Variants in IRAK4 observed in about 807,000 individuals in gnomAD.
IRAK4 encodes the protein interleukin 1 receptor associated kinase 4.
IRAK4 carries 44 observed loss-of-function variants against 51.8 expected under a neutral mutation model. That is an observed-to-expected ratio of 0.85 (90% confidence interval 0.67 to 1.09). The LOEUF (loss-of-function observed/expected upper bound fraction) is 1.09, where lower values mean the gene tolerates loss of function less well. IRAK4 is among the 50% of genes least tolerant of loss of function. IRAK4 has a pLI of 0.00. For missense variants in IRAK4, 487 were observed against 538.0 expected (o/e 0.91, Z 0.94); for synonymous variants, 149 against 174.1 (o/e 0.86, Z 1.13).
At position 43,787,743 on chromosome 12, in the gene IRAK4, T is replaced by C. The variant is rs886049390; in HGVS notation, c.*1028T>C. 2 of 152,172 alleles carry C rather than the reference T, an allele frequency of 1.3e-5. No homozygotes were observed. The highest frequency in any genetic ancestry group is 2.9e-5 in the Non-Finnish European group (2 of 68,050). The allele number at this position is 152,172 out of a possible 1,614,324, so 9.4% of individuals were successfully genotyped here. The stretch of plus-strand genomic sequence containing the variant: ...TATCTGTTCTGTGCTGGACTTCTAA[T>C]ATATAGAACTGTGAGATAATGGGTC... On this transcript the variant is annotated 3_prime_UTR_variant, in exon 12 of 12. Coordinates refer to ENST00000613694, the MANE Select transcript of IRAK4 (RefSeq NM_016123.4).
At chr12:43,784,990 C>T (rs1942085212) in intron 10 of IRAK4, among the ~76,000 whole-genome samples, 1 of 151,916 alleles carries the variant, frequency 6.6e-6, no homozygotes. Context: ...AAAAATATAC[C>T]AAAAACTGTG....
intron 9 of IRAK4, 151 bp from the exon 10 acceptor site, chr12:43,783,511 C>T: frequency 1.7e-6 from 1 of 587,660 alleles, no homozygotes; most frequent in Non-Finnish European, 3.0e-6. Context: ...TTTGTAGAGA[C>T]AGGGTCTCAC....
At chr12:43,784,844 A>T (rs1942073158) in intron 10 of IRAK4, among the ~76,000 whole-genome samples, 1 of 152,214 alleles carries the variant, frequency 6.6e-6, no homozygotes, top group Admixed American at 6.5e-5. Flanking sequence ...TGATCATCTG[A>T]AGAACCGTTA....
intron 10 of IRAK4, among the ~76,000 whole-genome samples, chr12:43,785,638 T>TTTATATATATATATATATATATATATTTA (rs1565687897): frequency 1.4e-5 from 2 of 145,446 alleles, no homozygotes; most frequent in African/African-American, 5.1e-5. Flanking sequence ...ATATATATAT[T>TTTATATATATATATATATATATATATTTA]TATATATATA....
At chr12:43,762,695 G>T (rs903827791) in intron 1 of IRAK4, among the ~76,000 whole-genome samples, 1 of 152,156 alleles carries the variant, frequency 6.6e-6, no homozygotes, top group Non-Finnish European at 1.5e-5. Context: ...AGAATGACTA[G>T]GTGACATTTT....
chr12:43,783,662 G>A lies in IRAK4; in HGVS notation c.1126G>A (p.Val376Ile). Residue 376 changes from valine (V) to isoleucine (I), a missense_variant and splice_region_variant, in exon 10 of 12, where the codon GTT (valine) becomes ATT (isoleucine). Physicochemically the swap from Val to Ile is conservative, Grantham distance 29 (BLOSUM62 3). Coordinates refer to ENST00000613694, the MANE Select transcript of IRAK4 (RefSeq NM_016123.4). ...TTAATGATTTTTTTTGTCTTCATAGGTTTTACTAGAAATAATAACTGGACT... is the reference window on the plus strand; with the variant it reads ...TTAATGATTTTTTTTGTCTTCATAGATTTTACTAGAAATAATAACTGGACT... ...PKSDIYSFGV[V>I]LLEIITGLPA... The A allele has an allele frequency of 1.3e-6, 2 of 1,595,434 alleles. No individual in the cohort carries two copies. The highest frequency in any genetic ancestry group is 1.7e-6 in the Non-Finnish European group (2 of 1,164,032).
In IRAK4 at chr12:43,786,424, A is replaced by G; in HGVS notation, c.1214A>G (p.Asp405Gly). The G allele has an allele frequency of 1.3e-6, 2 of 1,595,630 alleles. No individual in the cohort carries two copies. Among genetic ancestry groups the G allele is most frequent in the African/African-American group, 1.3e-5 (1 of 74,120 alleles). Residue 405 changes from aspartate to glycine, a missense_variant, in exon 11 of 12, where the codon GAT becomes GGT. Transcript: ENST00000613694. ...LLLDIKEEIE[D>G]EEKTIEDYID... Reference sequence around the variant, plus strand: ...CTAGATATTAAAGAAGAAATTGAAGATGAAGAAAAGACAATTGAAGATTAT... The same window carrying G: ...CTAGATATTAAAGAAGAAATTGAAGGTGAAGAAAAGACAATTGAAGATTAT...
chr12:43,779,582 A>G (rs894091170), intron 8 of IRAK4, among the ~76,000 whole-genome samples: 3 of 152,174 alleles, frequency 2.0e-5, no homozygotes, highest in African/African-American at 7.2e-5. Flanking sequence ...TAAAATGGCA[A>G]AACTTGTTGA....
chr12:43,788,168 G>GATTTCCCATGAT lies in IRAK4; in HGVS notation c.*1458_*1469dup, dbSNP rs1253405049. 5 of 152,238 alleles carry GATTTCCCATGAT rather than the reference G, an allele frequency of 3.3e-5. No individual in the cohort carries two copies. The highest frequency in any genetic ancestry group is 7.2e-5 in the African/African-American group (3 of 41,432). The allele number at this position is 152,238 out of a possible 1,614,324, so 9.4% of individuals were successfully genotyped here. ...TCTCCCATGATGTTTTTCCCATGAT[G>GATTTCCCATGAT]ATTTCCCATGATATTTACAGGTTTT... On this transcript the variant is annotated 3_prime_UTR_variant, in exon 12 of 12. Coordinates refer to ENST00000613694, the MANE Select transcript of IRAK4 (RefSeq NM_016123.4).
chr12:43,760,436 T>C (rs779667922), intron 1 of IRAK4, among the ~76,000 whole-genome samples: 4 of 152,170 alleles, frequency 2.6e-5, no homozygotes, highest in Non-Finnish European at 5.9e-5. Context: ...ATGTCTCTTT[T>C]CTCAAAACTT....
chr12:43,763,141 G>A (rs1939743052), intron 1 of IRAK4, among the ~76,000 whole-genome samples: 1 of 152,170 alleles, frequency 6.6e-6, no homozygotes, highest in Non-Finnish European at 1.5e-5. Context: ...GGATTTTAAT[G>A]TTCCAAGTTA....
intron 1 of IRAK4, 133 bp downstream of exon 1, chr12:43,759,149 T>C (rs1010632268): frequency 3.9e-5 from 6 of 152,114 alleles, no homozygotes; most frequent in Admixed American, 2.0e-4. Flanking sequence ...TGAGAAAAGT[T>C]AGAGAGGAAG....
chr12:43,765,967 T>C (rs1042259564), intron 1 of IRAK4, among the ~76,000 whole-genome samples: 1 of 152,214 alleles, frequency 6.6e-6, no homozygotes, highest in African/African-American at 2.4e-5. Flanking sequence ...CCTATACTTT[T>C]TCCAAGCTCT....
At chr12:43,770,422 C>T (rs1940626482) in intron 2 of IRAK4, among the ~76,000 whole-genome samples, 1 of 152,130 alleles carries the variant, frequency 6.6e-6, no homozygotes, top group Non-Finnish European at 1.5e-5. Flanking sequence ...TGTACCTCAA[C>T]TTGGATACAT....
At chr12:43,783,871 A>G (rs1230646751) in intron 10 of IRAK4, 147 bp downstream of exon 10, 2 of 653,854 alleles carry the variant, frequency 3.1e-6, no homozygotes, top group Non-Finnish European at 2.7e-6. Flanking sequence ...AAAAAGCATT[A>G]AATATTTTCA....
rs1306183211 is a variant in IRAK4, at chr12:43,786,759, T to C, written c.*44T>C. 6.6e-7 allele frequency: 1 copy of C among 1,514,098 alleles called. No individual in the cohort carries two copies. The highest frequency in any genetic ancestry group is 9.1e-7 in the Non-Finnish European group (1 of 1,093,202). The allele number at this position is 1,514,098 out of a possible 1,614,324, so 93.8% of individuals were successfully genotyped here. On this transcript the variant is annotated 3_prime_UTR_variant, in exon 12 of 12. Coordinates refer to ENST00000613694, the MANE Select transcript of IRAK4 (RefSeq NM_016123.4). ...TCTTGACTTTTTATATACACCTATC[T>C]CAACCATTTTTTTAACTGATTTTTT...
chr12:43,786,518 T>A lies in IRAK4; in HGVS notation c.1308T>A (p.Cys436Ter). The change falls in exon 11 of 12, where the codon TGT (cysteine) becomes TGA (stop). Residue 436 changes from cysteine (C) to a stop codon, truncating the protein, a stop_gained. Coordinates refer to ENST00000613694, the MANE Select transcript of IRAK4 (RefSeq NM_016123.4). LOFTEE classifies it high-confidence loss of function. Reference protein sequence around the residue: ...VEAMYSVASQCLHEKKNKRPD... With the variant: ...VEAMYSVASQ ...CTATGTACTCTGTTGCTAGTCAATG[T>A]CTGCATGAAAAGAAAAATAAGAGAC... 6.2e-7 allele frequency: 1 copy of A among 1,613,544 alleles called. No individual in the cohort carries two copies. Among genetic ancestry groups the A allele is most frequent in the Non-Finnish European group, 8.5e-7 (1 of 1,179,796 alleles).
intron 8 of IRAK4, among the ~76,000 whole-genome samples, 186 bp from the exon 9 acceptor site, chr12:43,782,121 T>C (rs559913618): frequency 6.6e-6 from 1 of 152,210 alleles, no homozygotes; most frequent in Non-Finnish European, 1.5e-5. Context: ...TCTAGGTTTA[T>C]TTCTATAAAC....
rs1334841691 is a variant in IRAK4, at chr12:43,762,226, AACTTCTGGGC to A, written c.-10+3213_-10+3222del. On this transcript the variant is annotated intron_variant, in intron 1 of 11. Coordinates refer to ENST00000613694, the MANE Select transcript of IRAK4 (RefSeq NM_016123.4). Reference sequence around the variant, plus strand: ...TAAAATTTTAATTTCTGGGATTTTGAACTTCTGGGCACATGTGTGGAGGAGTTGCAGAAGG... The same window carrying A: ...TAAAATTTTAATTTCTGGGATTTTGAACATGTGTGGAGGAGTTGCAGAAGG... Among the ~76,000 whole-genome samples, 188 of 152,244 alleles carry A rather than the reference AACTTCTGGGC, an allele frequency of 1.2e-3. 1 individual carries two copies. Among genetic ancestry groups the A allele is most frequent in the African/African-American group, 4.5e-3 (185 of 41,534 alleles).
Sources: gnomAD v4.1 joint callset for allele counts (sites outside exome capture counted in the v4.1 genomes callset) on GRCh38, gnomAD v4.1.1 for gene constraint, MANE v1.5 for transcripts, NCBI Gene and HGNC (gene_info 2026-07-23, HGNC 2026-07-21) for gene names.